The following DCAF1 variants were observed in gnomAD, a reference collection of about 807,000 sequenced individuals.
DCAF1 encodes DDB1 and CUL4 associated factor 1.
In DCAF1, 15 loss-of-function variants were observed where a neutral mutation model predicts 128.0. That is an observed-to-expected ratio of 0.12 (90% CI 0.08 to 0.18). The LOEUF (loss-of-function observed/expected upper bound fraction) is 0.18. Among genes scored for constraint, DCAF1 ranks in the 10% least tolerant of loss-of-function variants. The pLI, the probability that DCAF1 is intolerant of heterozygous loss-of-function variation, is 1.00. For missense variants in DCAF1, 988 were observed against 1,649.5 expected, an observed-to-expected ratio of 0.60 and a Z score of 6.95; for synonymous variants, 610 against 603.0, an observed-to-expected ratio of 1.01 and a Z score of -0.17.
chr3:51,485,386 G>A (rs1487291123), intron 2 of DCAF1, among the ~76,000 whole-genome samples: 1 of 152,178 alleles, frequency 6.6e-6, no homozygotes, highest in Non-Finnish European at 1.5e-5. Context: ...TGGCTGGGTT[G>A]AGTGGTTCAA....
In DCAF1 at chr3:51,483,726, G is replaced by T. The variant is rs1553653987; in HGVS notation, c.103C>A (p.Leu35Ile). The T allele has an allele frequency of 6.2e-7, 1 of 1,612,698 alleles. No homozygotes were observed. Among genetic ancestry groups the T allele is most frequent in the Non-Finnish European group, 8.5e-7 (1 of 1,179,192 alleles). ...HGSGQDMVPI[L>I]TRMSQLIEKE... ...TAAAAAAGTTATTCATACCTGGTAA[G>T]GATAGGTACCATGTCCTGCCCACTG... The change falls in exon 3 of 25, where the codon CTT becomes ATT. Residue 35 changes from leucine to isoleucine, a missense_variant. Physicochemically the swap from Leu to Ile is conservative, Grantham distance 5. Around this residue, in one of 11 missense-constraint regions of DCAF1, gnomAD observed 48 missense variants for 52.6 expected, o/e 0.91. Transcript: ENST00000684031.
In DCAF1 at chr3:51,467,011, G is replaced by T. The variant is rs985363706; in HGVS notation, c.188-135C>A. The T allele has an allele frequency of 5.2e-5, 36 of 688,598 alleles. No individual in the cohort carries two copies. In the African/African-American group the frequency reaches 6.2e-4, roughly 12 times the overall value. 42.7% of individuals were successfully genotyped at this position (688,598 alleles called of 1,614,324 possible). On this transcript the variant is annotated intron_variant, in intron 4 of 24. Coordinates refer to ENST00000684031, the MANE Select transcript of DCAF1 (RefSeq NM_001387579.1). Reference sequence around the variant, plus strand: ...CCAGCAAAAATAATCAGAAACAAAAGATTATTGTGCTAAATTAGATTACAT... The same window carrying T: ...CCAGCAAAAATAATCAGAAACAAAATATTATTGTGCTAAATTAGATTACAT...
Position 51,420,407 on chromosome 3 carries a change from G to T in DCAF1, c.2563C>A (p.Arg855=). The T allele has an allele frequency of 1.2e-6, 2 of 1,614,030 alleles. No individual in the cohort carries two copies. Among genetic ancestry groups the T allele is most frequent in the Non-Finnish European group, 1.7e-6 (2 of 1,179,900 alleles). The stretch of plus-strand genomic sequence containing the variant: ...AGCCCTTTAGAAATAAGATGGTTTC[G>T]TATCAACAAAAGCAGCTCTTTCTCA... The part of the protein sequence containing the change: ...FPEKELLLLI[R]NHLISKGLGE... Residue 855 remains arginine, a synonymous_variant, in exon 15 of 25, where the codon CGA becomes AGA. Coordinates refer to ENST00000684031, the MANE Select transcript of DCAF1 (RefSeq NM_001387579.1). This position sits in a 1 kb window ranked among gnomAD's most constrained non-coding sequence, Gnocchi z 6.5.
intron 21 of DCAF1, 103 bp from the exon 22 acceptor site, chr3:51,413,169 C>T (rs1698582506): frequency 3.9e-6 from 6 of 1,555,092 alleles, no homozygotes; most frequent in Non-Finnish European, 5.2e-6. Flanking sequence ...AAAGTATTTC[C>T]ATAACTTCTC....
chr3:51,403,624 C>T (rs1553625719), intron 23 of DCAF1, among the ~76,000 whole-genome samples: 1 of 152,196 alleles, frequency 6.6e-6, no homozygotes, highest in African/African-American at 2.4e-5. Flanking sequence ...TTAATGGTCA[C>T]ATAGCCCTTA....
intron 2 of DCAF1, among the ~76,000 whole-genome samples, chr3:51,493,515 G>A (rs2108549913): frequency 6.6e-6 from 1 of 152,060 alleles, no homozygotes; most frequent in Admixed American, 6.6e-5. Flanking sequence ...ATTCACAATA[G>A]CCAAAAAGTA....
intron 3 of DCAF1, among the ~76,000 whole-genome samples, chr3:51,479,245 A>T (rs371841485): frequency 6.6e-6 from 1 of 152,218 alleles, no homozygotes; most frequent in Non-Finnish European, 1.5e-5. Flanking sequence ...TCACGCCTAT[A>T]ATCTCAGCAC....
At chr3:51,459,558 G>C (rs1703309882) in intron 6 of DCAF1, among the ~76,000 whole-genome samples, 2 of 152,164 alleles carry the variant, frequency 1.3e-5, no homozygotes, top group South Asian at 4.1e-4. Context: ...CTCATTTTAT[G>C]AGGCCAGCAT....
At chr3:51,449,237 T>C (rs1577183103) in intron 6 of DCAF1, among the ~76,000 whole-genome samples, 1 of 152,222 alleles carries the variant, frequency 6.6e-6, no homozygotes, top group African/African-American at 2.4e-5. Context: ...GATGCAGTTT[T>C]GGTCTTGTTG....
At chr3:51,483,968 C>G (rs1706595569) in intron 2 of DCAF1, 132 bp from the exon 3 acceptor site, 1 of 644,182 alleles carries the variant, frequency 1.6e-6, no homozygotes, top group East Asian at 2.7e-5. Flanking sequence ...CCCTTGAACC[C>G]TTTGGATTTA....
Position 51,486,555 on chromosome 3 carries a change from T to C in DCAF1, c.-8-2719A>G, listed in dbSNP as rs983498241. Among the ~76,000 whole-genome samples the C allele has an allele frequency of 7.2e-5, 11 of 152,172 alleles. No individual in the cohort carries two copies. The East Asian group carries it at 2.1e-3, about 29-fold the overall frequency. On this transcript the variant is annotated intron_variant, in intron 2 of 24. Coordinates refer to ENST00000684031, the MANE Select transcript of DCAF1 (RefSeq NM_001387579.1). ...AAATGCTGTAGGTGTGACAGACTAA[T>C]ATGGACTTCTGACTTCAACCTGAGA...
intron 6 of DCAF1, among the ~76,000 whole-genome samples, chr3:51,451,671 A>C (rs1702366372): frequency 1.3e-5 from 2 of 151,908 alleles, no homozygotes; most frequent in South Asian, 4.2e-4. Flanking sequence ...CCGAGGCAGG[A>C]GACTCCCTTG....
At chr3:51,402,731 C>T (rs1306121842) in intron 24 of DCAF1, among the ~76,000 whole-genome samples, 3 of 152,140 alleles carry the variant, frequency 2.0e-5, no homozygotes, top group South Asian at 2.1e-4. Flanking sequence ...TGTGCCACCA[C>T]GCCCAGCTAA....
chr3:51,417,982 A>G, intron 17 of DCAF1, 134 bp downstream of exon 17: 1 of 1,118,868 alleles, frequency 8.9e-7, no homozygotes. Flanking sequence ...TGAGTCTTAG[A>G]TGAGGAAGAG....
intron 6 of DCAF1, among the ~76,000 whole-genome samples, chr3:51,448,250 A>G (rs1553640751): frequency 1.3e-5 from 2 of 152,146 alleles, no homozygotes; most frequent in Non-Finnish European, 1.5e-5. Context: ...AACTCCCTTT[A>G]GATATTTTGA....
chr3:51,416,988 G>A, intron 17 of DCAF1, 117 bp from the exon 18 acceptor site: 1 of 1,467,080 alleles, frequency 6.8e-7, no homozygotes, highest in Non-Finnish European at 9.2e-7. Flanking sequence ...TAAAGATCCT[G>A]GACTCCCAAA....
chr3:51,497,354 C>A (rs1431269683), intron 1 of DCAF1, among the ~76,000 whole-genome samples: 1 of 152,070 alleles, frequency 6.6e-6, no homozygotes, highest in Non-Finnish European at 1.5e-5. Context: ...CTTTGGGAGG[C>A]CTAGGCGGTG....
chr3:51,415,843 CA>C (rs782460407), intron 18 of DCAF1, among the ~76,000 whole-genome samples: 2 of 152,090 alleles, frequency 1.3e-5, no homozygotes, highest in Non-Finnish European at 2.9e-5. Flanking sequence ...CTCAGCCTCC[CA>C]AAGTGCTGGG....
chr3:51,500,680 C>T (rs1384061241), upstream of DCAF1, among the ~76,000 whole-genome samples: 1 of 152,052 alleles, frequency 6.6e-6, no homozygotes, highest in Non-Finnish European at 1.5e-5. Flanking sequence ...ACTACAGGCG[C>T]ATGCCACCAC....
Sources: gnomAD v4.1 joint callset for allele counts (sites outside exome capture counted in the v4.1 genomes callset) on GRCh38, gnomAD v4.1.1 for gene constraint, gnomAD v4.1.1 regional missense constraint, Gnocchi (gnomAD v3.1) non-coding constraint, MANE v1.5 for transcripts, NCBI Gene and HGNC (gene_info 2026-07-23, HGNC 2026-07-21) for gene names.